Variants in GRID2 observed in about 807,000 individuals in gnomAD.
The protein encoded by GRID2 is glutamate ionotropic receptor delta type subunit 2.
A neutral mutation model predicts 114.8 loss-of-function variants in GRID2; 33 were observed. The observed-to-expected ratio is 0.29, with a 90% CI of 0.22 to 0.38. The LOEUF (loss-of-function observed/expected upper bound fraction) is 0.38. Ranked by LOEUF, GRID2 falls within the 10% of genes least tolerant of loss-of-function variation. GRID2 has a pLI of 1.00. For synonymous variants in GRID2, 505 were observed against 449.9 expected (o/e 1.12, Z -1.55); for missense variants, 1,184 against 1,257.7 (o/e 0.94, Z 0.89).
At chr4:93,801,742 G>A (rs7693709) in intron 1 of GRID2, among the ~76,000 whole-genome samples, 65,268 of 151,998 alleles carry the variant, frequency 0.43, 15,741 homozygotes, top group Non-Finnish European at 0.54. Context: ...AACACCATGC[G>A]TTATTGAAAA....
intron 14 of GRID2, among the ~76,000 whole-genome samples, chr4:93,680,964 C>A (rs1032610562): frequency 2.0e-5 from 3 of 151,172 alleles, no homozygotes; most frequent in Non-Finnish European, 2.9e-5. Context: ...ATAAGGTATT[C>A]AATTAGGAAA....
chr4:93,054,111 G>C (rs1358670851), intron 2 of GRID2, among the ~76,000 whole-genome samples: 2 of 151,614 alleles, frequency 1.3e-5, no homozygotes, highest in Admixed American at 6.6e-5. Flanking sequence ...TTTATTAATG[G>C]CCTCAAATTG....
chr4:92,896,530 G>A (rs1372230549), intron 2 of GRID2, among the ~76,000 whole-genome samples: 2 of 150,884 alleles, frequency 1.3e-5, no homozygotes, highest in Non-Finnish European at 2.9e-5. Flanking sequence ...ATCTTCAGTT[G>A]TTTAAAGTTA....
intron 9 of GRID2, among the ~76,000 whole-genome samples, chr4:93,407,620 A>C (rs1457238206): frequency 6.6e-6 from 1 of 152,008 alleles, no homozygotes; most frequent in Non-Finnish European, 1.5e-5. Context: ...AAGGAATTTC[A>C]GTTTCTCTAG....
At chr4:93,677,711 A>G (rs899399073) in intron 14 of GRID2, among the ~76,000 whole-genome samples, 19 of 152,290 alleles carry the variant, frequency 1.2e-4, no homozygotes, top group African/African-American at 4.6e-4. Context: ...CAGACCTGCA[A>G]CAGAGGGTCC....
chr4:92,702,543 G>C (rs1318384181), intron 2 of GRID2: 1 of 151,942 alleles, frequency 6.6e-6, no homozygotes, highest in African/African-American at 2.4e-5. Flanking sequence ...ATCATCTACT[G>C]TTACCCTTTA....
chr4:93,629,712 G>A (rs928476322), intron 14 of GRID2, among the ~76,000 whole-genome samples: 2 of 151,658 alleles, frequency 1.3e-5, no homozygotes, highest in South Asian at 2.1e-4. Context: ...TTACTTTTCA[G>A]GTGACTATAT....
intron 14 of GRID2, among the ~76,000 whole-genome samples, chr4:93,649,145 C>T (rs925948343): frequency 5.9e-5 from 9 of 152,100 alleles, no homozygotes; most frequent in East Asian, 3.9e-4. Flanking sequence ...CATTTTTTAA[C>T]GGCTATTTTG....
intron 1 of GRID2, among the ~76,000 whole-genome samples, chr4:92,561,348 G>C (rs148516405): frequency 1.3e-5 from 2 of 152,306 alleles, no homozygotes; most frequent in African/African-American, 4.8e-5. Context: ...GGGCCAGACA[G>C]ACTTGAGTTT....
chr4:93,260,057 C>T (rs976841), intron 8 of GRID2, among the ~76,000 whole-genome samples: 106,467 of 151,358 alleles, frequency 0.7, 38,100 homozygotes, highest in Middle Eastern at 0.86. Context: ...AAACTGTGTC[C>T]GCTATTAAAT....
At chr4:92,650,874 T>C (rs975832229) in intron 2 of GRID2, among the ~76,000 whole-genome samples, 1 of 151,932 alleles carries the variant, frequency 6.6e-6, no homozygotes, top group African/African-American at 2.4e-5. Context: ...CAGTCTTCTG[T>C]AGGACCCTGA....
At chr4:93,295,780 C>G (rs542042726) in intron 8 of GRID2, among the ~76,000 whole-genome samples, 1 of 152,138 alleles carries the variant, frequency 6.6e-6, no homozygotes, top group Non-Finnish European at 1.5e-5. Context: ...TTCACAAAAA[C>G]ACTGAGATTG....
At chr4:93,805,095 G>A (rs1464074641) in intron 1 of GRID2, among the ~76,000 whole-genome samples, 1 of 151,750 alleles carries the variant, frequency 6.6e-6, no homozygotes, top group Non-Finnish European at 1.5e-5. Context: ...TTTATTTTTT[G>A]GTGAAGAAAT....
At chr4:93,607,573 C>T (rs1157666223) in intron 13 of GRID2, among the ~76,000 whole-genome samples, 2 of 151,986 alleles carry the variant, frequency 1.3e-5, no homozygotes, top group East Asian at 3.9e-4. Flanking sequence ...ATTGCTGGAC[C>T]AAAAGACATC....
intron 1 of GRID2, among the ~76,000 whole-genome samples, chr4:92,482,433 G>C (rs1004611919): frequency 1.3e-5 from 2 of 151,780 alleles, no homozygotes; most frequent in African/African-American, 4.8e-5. Flanking sequence ...CTGTACCCCT[G>C]CATCTAACTT....
At chr4:92,965,157 T>C (rs569411027) in intron 2 of GRID2, among the ~76,000 whole-genome samples, 1 of 151,884 alleles carries the variant, frequency 6.6e-6, no homozygotes, top group Non-Finnish European at 1.5e-5. Flanking sequence ...TCTCAGGGAA[T>C]ACTGGGAGGG....
intron 8 of GRID2, among the ~76,000 whole-genome samples, chr4:93,298,719 C>G (rs73837792): frequency 9.2e-4 from 140 of 152,372 alleles, no homozygotes; most frequent in African/African-American, 3.2e-3. Context: ...TGTTCCTCCT[C>G]CCTGTCTCCA....
At position 92,850,284 on chromosome 4, in the gene GRID2, GTATGT is replaced by G. The variant is rs1743677400; in HGVS notation, c.245-234707_245-234703del. On this transcript the variant is annotated intron_variant, in intron 2 of 15. Transcript: ENST00000282020. ...ATAAAATATTTTCATAATTCATATT[GTATGT>G]TATAATTATTCTCTGTTACACACCT... 5.9e-5 allele frequency among the ~76,000 whole-genome samples: 9 copies of G among 151,554 alleles called. No individual in the cohort carries two copies. In the South Asian group the frequency reaches 1.7e-3, roughly 28 times the overall value.
intron 1 of GRID2, among the ~76,000 whole-genome samples, chr4:92,395,424 A>G (rs1460376562): frequency 6.6e-6 from 1 of 151,694 alleles, no homozygotes; most frequent in Non-Finnish European, 1.5e-5. Flanking sequence ...TTGACTGTTG[A>G]TCTTGCGAAA....
Sources: gnomAD v4.1 joint callset for allele counts (sites outside exome capture counted in the v4.1 genomes callset) on GRCh38, gnomAD v4.1.1 for gene constraint, MANE v1.5 for transcripts, NCBI Gene and HGNC (gene_info 2026-07-23, HGNC 2026-07-21) for gene names.